The following ERC1 variants were observed in gnomAD, a reference collection of about 807,000 sequenced individuals.
ERC1 encodes ELKS/RAB6-interacting/CAST family member 1.
ERC1 carries 56 observed loss-of-function variants against 132.0 expected under a neutral mutation model. The ratio of observed to expected loss-of-function variants is 0.42; its 90% CI spans 0.34 to 0.53. ERC1 has a LOEUF of 0.53. Among genes scored for constraint, ERC1 ranks in the 20% least tolerant of loss-of-function variants. The pLI, the probability that ERC1 is intolerant of heterozygous loss-of-function variation, is 0.03. For missense variants in ERC1, 1,202 were observed against 1,349.9 expected, an observed-to-expected ratio of 0.89 and a Z score of 1.72; for synonymous variants, 478 against 476.1, an observed-to-expected ratio of 1.00 and a Z score of -0.05.
At chr12:1,020,870 A>G (rs1966255357) in intron 1 of ERC1, 1 of 152,224 alleles carries the variant, frequency 6.6e-6, no homozygotes, top group Admixed American at 6.5e-5. Context: ...AGGGAGGAGC[A>G]TTAAATAATT....
intron 18 of ERC1, among the ~76,000 whole-genome samples, chr12:1,487,540 A>AAAAAAAAAAAAT (rs147446787): frequency 2.3e-5 from 1 of 44,258 alleles, no homozygotes; most frequent in African/African-American, 5.6e-5. Context: ...CCGCACCTCT[A>AAAAAAAAAAAAT]AAAAAGAAAA....
chr12:1,198,260 C>T (rs1193152197), intron 12 of ERC1, among the ~76,000 whole-genome samples: 3 of 152,136 alleles, frequency 2.0e-5, no homozygotes, highest in Admixed American at 6.5e-5. Flanking sequence ...TTTGGTCTTT[C>T]CATGTTCGAA....
At chr12:1,432,310 T>C (rs1230421197) in intron 17 of ERC1, among the ~76,000 whole-genome samples, 2 of 152,242 alleles carry the variant, frequency 1.3e-5, no homozygotes, top group East Asian at 3.8e-4. Flanking sequence ...TATAAAACCA[T>C]TTTTAGCTGA....
intron 15 of ERC1, among the ~76,000 whole-genome samples, chr12:1,313,343 G>A (rs1048521995): frequency 3.3e-5 from 5 of 152,114 alleles, no homozygotes; most frequent in African/African-American, 1.2e-4. Context: ...TGCAAAGGAG[G>A]CTGGAATATC....
chr12:1,312,393 CCT>C (rs1315601349), intron 15 of ERC1, among the ~76,000 whole-genome samples: 1 of 151,108 alleles, frequency 6.6e-6, no homozygotes. Flanking sequence ...TTTTTTTTTT[CCT>C]CTGTCACCCA....
chr12:1,393,302 A>G (rs74474541), intron 16 of ERC1, among the ~76,000 whole-genome samples: 1,989 of 152,328 alleles, frequency 0.013, 35 homozygotes, highest in African/African-American at 0.044. Context: ...CTGAAAGGCA[A>G]GAGGATCACT....
intron 7 of ERC1, among the ~76,000 whole-genome samples, chr12:1,125,628 C>T (rs1948076536): frequency 6.6e-6 from 1 of 151,960 alleles, no homozygotes; most frequent in Admixed American, 6.6e-5. Context: ...CCAGCCTGGC[C>T]AACATAGTGA....
chr12:1,214,500 C>A (rs1958185394), intron 12 of ERC1, among the ~76,000 whole-genome samples: 1 of 152,062 alleles, frequency 6.6e-6, no homozygotes, highest in South Asian at 2.1e-4. Flanking sequence ...TAACACATAA[C>A]TTCAATAGTA....
chr12:1,000,032 C>G (rs1342224151), intron 1 of ERC1, among the ~76,000 whole-genome samples: 1 of 152,152 alleles, frequency 6.6e-6, no homozygotes, highest in East Asian at 1.9e-4. Context: ...TTTAGTTGTT[C>G]ACCAAAGAAT....
intron 12 of ERC1, among the ~76,000 whole-genome samples, chr12:1,231,355 T>C (rs1046599229): frequency 6.6e-6 from 1 of 152,200 alleles, no homozygotes; most frequent in Non-Finnish European, 1.5e-5. Flanking sequence ...ACTTTACATC[T>C]TTTTATATTT....
chr12:1,490,267 G>A lies in ERC1; in HGVS notation c.*37G>A, dbSNP rs2094305729. 1 of 1,598,988 alleles carries A rather than the reference G, an allele frequency of 6.3e-7. No homozygotes were observed. Among genetic ancestry groups the A allele is most frequent in the Non-Finnish European group, 8.5e-7 (1 of 1,170,476 alleles). ...GGGGAAGCCTGAGGTAGTCAACCCA[G>A]GAGCCAAGAAAAGAGAACTACGAGG... On this transcript the variant is annotated 3_prime_UTR_variant, in exon 19 of 19. Coordinates refer to ENST00000360905, the MANE Select transcript of ERC1 (RefSeq NM_178040.4).
chr12:1,127,819 CAA>C (rs1302336597), intron 7 of ERC1, among the ~76,000 whole-genome samples: 2 of 152,252 alleles, frequency 1.3e-5, no homozygotes, highest in East Asian at 1.9e-4. Flanking sequence ...GAAAACAAAA[CAA>C]GAGTAGAACT....
Position 1,408,130 on chromosome 12 carries a change from A to G in ERC1, c.2926-19A>G, listed in dbSNP as rs747055240. On this transcript the variant is annotated intron_variant, in intron 16 of 18. Transcript: ENST00000360905. ...AGAAACTTTACTTAAATTTAACCTTATGAATAATTTCTTCCTAGACGCAAA... is the reference window on the plus strand; with the variant it reads ...AGAAACTTTACTTAAATTTAACCTTGTGAATAATTTCTTCCTAGACGCAAA... The G allele has an allele frequency of 5.1e-6, 8 of 1,580,278 alleles. No homozygotes were observed. In the African/African-American group the frequency reaches 6.7e-5, roughly 13 times the overall value.
intron 6 of ERC1, among the ~76,000 whole-genome samples, chr12:1,114,649 TAC>T (rs994417478): frequency 2.0e-5 from 3 of 152,042 alleles, no homozygotes; most frequent in Admixed American, 6.6e-5. Context: ...TCCACGTTGT[TAC>T]AGTGTGTGCT....
intron 8 of ERC1, among the ~76,000 whole-genome samples, chr12:1,167,787 G>C (rs1566129573): frequency 6.7e-6 from 1 of 150,308 alleles, no homozygotes; most frequent in Non-Finnish European, 1.5e-5. Flanking sequence ...CGTGATCTCA[G>C]CTCACTGCAA....
chr12:1,176,582 CT>C (rs1320879941), intron 8 of ERC1, among the ~76,000 whole-genome samples: 1 of 148,774 alleles, frequency 6.7e-6, no homozygotes, highest in African/African-American at 2.5e-5. Flanking sequence ...TTTTTCTTTT[CT>C]TTTTTTTTCC....
chr12:1,453,237 C>T (rs75873857), intron 18 of ERC1, among the ~76,000 whole-genome samples: 3 of 152,088 alleles, frequency 2.0e-5, no homozygotes, highest in Non-Finnish European at 4.4e-5. Flanking sequence ...TGATTTCCTA[C>T]CCCTTCCCCA....
chr12:1,064,302 G>A (rs887122484), intron 2 of ERC1, among the ~76,000 whole-genome samples: 3 of 151,476 alleles, frequency 2.0e-5, no homozygotes, highest in African/African-American at 4.9e-5. Context: ...CATGTCTCAC[G>A]ACAGCCCTCC....
At chr12:1,481,340 C>T (rs2094087901) in intron 18 of ERC1, among the ~76,000 whole-genome samples, 1 of 152,240 alleles carries the variant, frequency 6.6e-6, no homozygotes, top group South Asian at 2.1e-4. Context: ...TTCACATCGC[C>T]TCTCTTTCCT....
Sources: gnomAD v4.1 joint callset for allele counts (sites outside exome capture counted in the v4.1 genomes callset) on GRCh38, gnomAD v4.1.1 for gene constraint, MANE v1.5 for transcripts, NCBI Gene and HGNC (gene_info 2026-07-23, HGNC 2026-07-21) for gene names.